The following ARMC6 variants were observed in gnomAD, a reference collection of about 807,000 sequenced individuals.
The protein encoded by ARMC6 is armadillo repeat containing 6, also known as armadillo repeat-containing protein 6.
A neutral mutation model predicts 49.2 loss-of-function variants in ARMC6; 43 were observed. The observed-to-expected ratio is 0.87, with a 90% CI of 0.69 to 1.13. The LOEUF (loss-of-function observed/expected upper bound fraction) is 1.13, where lower values mean the gene tolerates loss of function less well. Among genes scored for constraint, ARMC6 ranks in the 50% most tolerant of loss-of-function variants. The probability of loss-of-function intolerance (pLI) is 0.00; values close to 1 mark genes in which losing one functional copy is unlikely to be tolerated. For missense variants in ARMC6, 627 were observed against 682.0 expected, an observed-to-expected ratio of 0.92 and a Z score of 0.90; for synonymous variants, 262 against 289.6, an observed-to-expected ratio of 0.90 and a Z score of 0.97.
At chr19:19,039,284 G>T in intron 2 of ARMC6, 1 of 408,506 alleles carries the variant, frequency 2.4e-6, no homozygotes, top group Non-Finnish European at 4.9e-6. Flanking sequence ...ACACGCAAAT[G>T]CCACCACACC....
intron 4 of ARMC6, among the ~76,000 whole-genome samples, chr19:19,047,483 A>C (rs1221757957): frequency 6.6e-6 from 1 of 152,218 alleles, no homozygotes; most frequent in Non-Finnish European, 1.5e-5. Context: ...GTCCAGGGAA[A>C]AACTGAGCCA....
intron 2 of ARMC6, among the ~76,000 whole-genome samples, chr19:19,038,461 A>G (rs926220140): frequency 1.3e-5 from 2 of 152,210 alleles, no homozygotes; most frequent in Non-Finnish European, 2.9e-5. Flanking sequence ...ACTTAACTCT[A>G]TGTCTTGTTC....
In ARMC6 at chr19:19,057,639, A is replaced by G. The variant is rs1480406192; in HGVS notation, c.*11A>G. 6.2e-7 allele frequency: 1 copy of G among 1,610,524 alleles called. No individual in the cohort carries two copies. Among genetic ancestry groups the G allele is most frequent in the Non-Finnish European group, 8.5e-7 (1 of 1,179,758 alleles). On this transcript the variant is annotated 3_prime_UTR_variant, in exon 9 of 9. Coordinates refer to ENST00000535612, the MANE Select transcript of ARMC6 (RefSeq NM_001199196.2). Reference sequence around the variant, plus strand: ...AACCTGGCGCCATGACCCCAGGCCCAGTCTGGGCCGTGACTCTGGGTGAGT... The same window carrying G: ...AACCTGGCGCCATGACCCCAGGCCCGGTCTGGGCCGTGACTCTGGGTGAGT...
At position 19,057,633 on chromosome 19, in the gene ARMC6, A is replaced by C. The variant is rs1385198863; in HGVS notation, c.*5A>C. 1 of 1,611,334 alleles carries C rather than the reference A, an allele frequency of 6.2e-7. No individual in the cohort carries two copies. The highest frequency in any genetic ancestry group is 2.2e-5 in the East Asian group (1 of 44,876). ...AGGGGCAACCTGGCGCCATGACCCC[A>C]GGCCCAGTCTGGGCCGTGACTCTGG... On this transcript the variant is annotated 3_prime_UTR_variant, in exon 9 of 9. Coordinates refer to ENST00000535612, the MANE Select transcript of ARMC6 (RefSeq NM_001199196.2).
Position 19,055,641 on chromosome 19 carries a change from T to G in ARMC6, c.1156-150T>G. 1 of 1,235,308 alleles carries G rather than the reference T, an allele frequency of 8.1e-7. No individual in the cohort carries two copies. Among genetic ancestry groups the G allele is most frequent in the Non-Finnish European group, 1.1e-6 (1 of 898,752 alleles). The allele number at this position is 1,235,308 out of a possible 1,614,324, so 76.5% of individuals were successfully genotyped here. A position where few individuals can be genotyped will look rare whatever the true frequency, so the allele number is the denominator to read the frequency against. On this transcript the variant is annotated intron_variant, in intron 7 of 8. Transcript: ENST00000535612. The surrounding 1 kb of genome is among the most constrained non-coding windows in gnomAD (Gnocchi z 5.7). ...GTCACCCCTAAGAGCTGAGCTGATA[T>G]TTTTGTCACCCTGCCATTATTACAC... is the stretch of plus-strand genomic sequence containing the variant.
chr19:19,053,111 G>A (rs1054778002), intron 5 of ARMC6, among the ~76,000 whole-genome samples: 8 of 152,160 alleles, frequency 5.3e-5, no homozygotes, highest in African/African-American at 1.9e-4. Context: ...TCCCCTTTTC[G>A]GGGAAACACC....
chr19:19,051,168 T>A (rs2059491976), intron 4 of ARMC6, among the ~76,000 whole-genome samples: 1 of 152,218 alleles, frequency 6.6e-6, no homozygotes, highest in Admixed American at 6.5e-5. Context: ...TGCCAGTTTG[T>A]TACAGCTGTG....
At chr19:19,044,763 G>T (rs1457822336) in intron 4 of ARMC6, among the ~76,000 whole-genome samples, 1 of 152,176 alleles carries the variant, frequency 6.6e-6, no homozygotes, top group South Asian at 2.1e-4. Flanking sequence ...TGTAGAGATG[G>T]GGACATTGAG....
chr19:19,053,863 A>G (rs1235668349), intron 5 of ARMC6, among the ~76,000 whole-genome samples: 3 of 146,736 alleles, frequency 2.0e-5, no homozygotes, highest in Admixed American at 2.0e-4. Flanking sequence ...TTTTTGCACT[A>G]TTATAGTTTT....
chr19:19,035,548 C>T (rs560742127), intron 2 of ARMC6, among the ~76,000 whole-genome samples: 3 of 152,318 alleles, frequency 2.0e-5, no homozygotes, highest in African/African-American at 7.2e-5. Context: ...TGTACCAGAT[C>T]TAGGGGACCT....
intron 4 of ARMC6, among the ~76,000 whole-genome samples, chr19:19,048,440 T>C (rs1041400583): frequency 2.0e-5 from 3 of 152,002 alleles, no homozygotes; most frequent in African/African-American, 7.3e-5. Flanking sequence ...GGAGAATCAC[T>C]TGAATCCAGG....
chr19:19,040,676 C>G, intron 2 of ARMC6: 1 of 318,746 alleles, frequency 3.1e-6, no homozygotes, highest in Non-Finnish European at 6.3e-6. Flanking sequence ...TTTGCAACAT[C>G]GTCTGACTGT....
intron 8 of ARMC6, among the ~76,000 whole-genome samples, chr19:19,056,710 C>A (rs2059548001): frequency 6.6e-6 from 1 of 152,184 alleles, no homozygotes; most frequent in African/African-American, 2.4e-5. Flanking sequence ...CCTGTCCACA[C>A]CTCCCTGGCT....
chr19:19,057,582 A>C lies in ARMC6; in HGVS notation c.1460A>C (p.Glu487Ala), dbSNP rs370059056. Residue 487 changes from glutamate to alanine, a missense_variant, in exon 9 of 9, where the codon GAG becomes GCG. By Grantham distance (107) the Glu-to-Ala change is moderately radical (BLOSUM62 -1). Coordinates refer to ENST00000535612, the MANE Select transcript of ARMC6 (RefSeq NM_001199196.2). ...AALRDLGCHV[E>A]LRELWTGQRG... ...CTGCGGGACCTGGGTTGTCATGTCG[A>C]GCTCCGAGAGCTGTGGACAGGCCAG... The C allele has an allele frequency of 1.2e-6, 2 of 1,613,128 alleles. No individual in the cohort carries two copies. The highest frequency in any genetic ancestry group is 1.7e-6 in the Non-Finnish European group (2 of 1,179,972).
Position 19,048,260 on chromosome 19 carries a change from T to C in ARMC6, c.280-3362T>C, listed in dbSNP as rs538575026. 3.6e-3 allele frequency among the ~76,000 whole-genome samples: 552 copies of C among 152,200 alleles called. 2 individuals carry two copies. Among genetic ancestry groups the C allele is most frequent in the Non-Finnish European group, 6.4e-3 (435 of 67,978 alleles). ...ACTCAGGAGGCTGAGGTAGGAGAATTGCTTGAACCCGGGAGGCAGAGGTTG... is the reference window on the plus strand; with the variant it reads ...ACTCAGGAGGCTGAGGTAGGAGAATCGCTTGAACCCGGGAGGCAGAGGTTG... On this transcript the variant is annotated intron_variant, in intron 4 of 8. Transcript: ENST00000535612.
At chr19:19,038,795 G>A (rs1455007652) in intron 2 of ARMC6, among the ~76,000 whole-genome samples, 1 of 152,046 alleles carries the variant, frequency 6.6e-6, no homozygotes, top group Non-Finnish European at 1.5e-5. Flanking sequence ...GACCTCAGGT[G>A]ATCTGCCTGC....
At chr19:19,044,168 A>G in intron 4 of ARMC6, 94 bp downstream of exon 4, 1 of 1,276,880 alleles carries the variant, frequency 7.8e-7, no homozygotes, top group Non-Finnish European at 1.1e-6. Context: ...CAGGCTCTGA[A>G]GGTCATGCCC....
intron 4 of ARMC6, among the ~76,000 whole-genome samples, chr19:19,050,993 G>A (rs927096813): frequency 5.3e-5 from 8 of 152,246 alleles, no homozygotes; most frequent in African/African-American, 1.7e-4. Flanking sequence ...CAGTGGCTTA[G>A]AGTTGAATTT....
At chr19:19,039,594 C>T (rs1050373647) in intron 2 of ARMC6, among the ~76,000 whole-genome samples, 1 of 152,216 alleles carries the variant, frequency 6.6e-6, no homozygotes. Flanking sequence ...CTTTTTGTGT[C>T]TGTGGATTTG....
Sources: gnomAD v4.1 joint callset for allele counts (sites outside exome capture counted in the v4.1 genomes callset) on GRCh38, gnomAD v4.1.1 for gene constraint, Gnocchi (gnomAD v3.1) non-coding constraint, MANE v1.5 for transcripts, NCBI Gene and HGNC (gene_info 2026-07-23, HGNC 2026-07-21) for gene names.